The following RALGAPA1 variants were observed in gnomAD, a reference collection of about 807,000 sequenced individuals.
RALGAPA1 encodes the protein ral GTPase-activating protein subunit alpha-1.
In RALGAPA1, 52 loss-of-function variants were observed where a neutral mutation model predicts 269.6. The observed-to-expected ratio is 0.19, with a 90% CI of 0.15 to 0.24. The LOEUF (loss-of-function observed/expected upper bound fraction) is 0.24. Ranked by LOEUF, RALGAPA1 falls within the 10% of genes least tolerant of loss-of-function variation. RALGAPA1 has a pLI of 1.00. For missense variants in RALGAPA1, 1,917 were observed against 3,013.9 expected, an observed-to-expected ratio of 0.64 and a Z score of 8.52; for synonymous variants, 817 against 1,008.3, an observed-to-expected ratio of 0.81 and a Z score of 3.60.
intron 31 of RALGAPA1, among the ~76,000 whole-genome samples, chr14:35,638,112 A>G (rs2061779464): frequency 6.6e-6 from 1 of 152,216 alleles, no homozygotes; most frequent in Non-Finnish European, 1.5e-5. Context: ...ATGAGCAGTA[A>G]GAAATTATCT....
intron 36 of RALGAPA1, among the ~76,000 whole-genome samples, chr14:35,599,552 C>T (rs144193436): frequency 9.3e-4 from 141 of 152,144 alleles, no homozygotes; most frequent in African/African-American, 3.3e-3. Context: ...TGAGACCAGC[C>T]TGGCCAACAT....
chr14:35,606,589 T>C (rs2059611367), intron 35 of RALGAPA1, among the ~76,000 whole-genome samples: 1 of 152,182 alleles, frequency 6.6e-6, no homozygotes, highest in South Asian at 2.1e-4. Flanking sequence ...TCTCTAAAAT[T>C]AAAAATGTTT....
At chr14:35,606,971 T>C (rs1401347715) in intron 35 of RALGAPA1, among the ~76,000 whole-genome samples, 1 of 152,204 alleles carries the variant, frequency 6.6e-6, no homozygotes, top group African/African-American at 2.4e-5. Context: ...GTGCGTCAGA[T>C]GTATCAGTAG....
intron 27 of RALGAPA1, among the ~76,000 whole-genome samples, chr14:35,663,465 A>C (rs2063691047): frequency 1.3e-5 from 2 of 151,930 alleles, no homozygotes; most frequent in Admixed American, 1.3e-4. Flanking sequence ...TTAGCCCCTG[A>C]GGAGCTATGT....
At chr14:35,571,388 T>C (rs1400439332) in intron 38 of RALGAPA1, among the ~76,000 whole-genome samples, 1 of 135,130 alleles carries the variant, frequency 7.4e-6, no homozygotes, top group East Asian at 2.5e-4. Flanking sequence ...TTTTTTTTTT[T>C]TTTAATTCTT....
chr14:35,671,458 A>G lies in RALGAPA1; in HGVS notation c.5133T>C (p.Pro1711=), dbSNP rs1209853468. The G allele has an allele frequency of 1.9e-6, 3 of 1,606,592 alleles. No homozygotes were observed. The highest frequency in any genetic ancestry group is 2.6e-6 in the Non-Finnish European group (3 of 1,173,448). The change falls in exon 26 of 42, where the codon CCT becomes CCC. Residue 1711 remains proline, a synonymous_variant. Transcript: ENST00000680220. ...CSPQFFSLGL[P]GATMLIMDFI... ...AATCCATAATAAGCATTGTGGCACCAGGCAAACCAAGTGAAAAAAATTGAG... is the reference window on the plus strand; with the variant it reads ...AATCCATAATAAGCATTGTGGCACCGGGCAAACCAAGTGAAAAAAATTGAG...
At chr14:35,706,552 C>G (rs1009382525) in intron 16 of RALGAPA1, 1 of 151,296 alleles carries the variant, frequency 6.6e-6, no homozygotes, top group African/African-American at 2.4e-5. Flanking sequence ...GGTTCTGTCC[C>G]TTCTCTGAAT....
At chr14:35,715,991 T>A (rs1490933544) in intron 16 of RALGAPA1, 1 of 985,150 alleles carries the variant, frequency 1.0e-6, no homozygotes, top group African/African-American at 1.7e-5. Flanking sequence ...ATCTAATAGC[T>A]CCAGAATATC....
chr14:35,663,667 G>T (rs1236716194), intron 27 of RALGAPA1, among the ~76,000 whole-genome samples: 1 of 148,532 alleles, frequency 6.7e-6, no homozygotes, highest in Non-Finnish European at 1.5e-5. Flanking sequence ...TCGGCTCACT[G>T]CAAGCTCCAC....
intron 31 of RALGAPA1, among the ~76,000 whole-genome samples, chr14:35,640,729 T>C (rs951744082): frequency 6.6e-6 from 1 of 152,206 alleles, no homozygotes; most frequent in Admixed American, 6.5e-5. Context: ...TCCAAACTCA[T>C]TCTATGAGGC....
At chr14:35,543,857 G>T (rs550886108) in intron 41 of RALGAPA1, among the ~76,000 whole-genome samples, 13 of 152,324 alleles carry the variant, frequency 8.5e-5, no homozygotes, top group Non-Finnish European at 1.5e-4. Context: ...GGCCAGGCTG[G>T]TCTTGAACTC....
chr14:35,570,904 A>G (rs2057135742), intron 38 of RALGAPA1, among the ~76,000 whole-genome samples, 160 bp from the exon 39 acceptor site: 1 of 152,220 alleles, frequency 6.6e-6, no homozygotes, highest in Non-Finnish European at 1.5e-5. Flanking sequence ...GTGATGGGTC[A>G]CTCATACTAG....
rs557107867 is a variant in RALGAPA1 at position 35,630,579 on chromosome 14, C to A, written c.5996-2628G>T. On this transcript the variant is annotated intron_variant, in intron 33 of 41. Coordinates refer to ENST00000680220, the MANE Select transcript of RALGAPA1 (RefSeq NM_001346249.2). ...TTACAAGTGTGAGTGACTGCACCCACCCAACATTTCTTAGTCTAAAAGTTC... is the reference window on the plus strand; with the variant it reads ...TTACAAGTGTGAGTGACTGCACCCAACCAACATTTCTTAGTCTAAAAGTTC... 2.6e-5 allele frequency among the ~76,000 whole-genome samples: 4 copies of A among 152,264 alleles called. No individual in the cohort carries two copies. In the South Asian group the frequency reaches 8.3e-4, roughly 32 times the overall value.
chr14:35,786,399 G>A (rs1256808918), intron 1 of RALGAPA1, among the ~76,000 whole-genome samples: 3 of 152,094 alleles, frequency 2.0e-5, no homozygotes, highest in African/African-American at 7.2e-5. Context: ...CAGTATTTTG[G>A]GAGGCTGAGG....
intron 19 of RALGAPA1, among the ~76,000 whole-genome samples, chr14:35,685,560 T>A (rs1325133058): frequency 6.6e-6 from 1 of 152,066 alleles, no homozygotes; most frequent in African/African-American, 2.4e-5. Flanking sequence ...GCGGGGTATA[T>A]AATGGAGTTA....
chr14:35,674,382 T>C (rs1287040428), intron 23 of RALGAPA1, 104 bp from the exon 24 acceptor site: 9 of 1,245,372 alleles, frequency 7.2e-6, no homozygotes, highest in Non-Finnish European at 8.9e-6. Flanking sequence ...ACTATTTAAT[T>C]ACAATTAAGT....
chr14:35,713,825 G>C (rs747842740), intron 16 of RALGAPA1, among the ~76,000 whole-genome samples: 12 of 152,152 alleles, frequency 7.9e-5, no homozygotes, highest in Non-Finnish European at 8.8e-5. Flanking sequence ...GCCAGGTGCG[G>C]TGGCTCACGC....
chr14:35,630,780 A>G (rs2061310556), intron 33 of RALGAPA1, among the ~76,000 whole-genome samples: 1 of 152,172 alleles, frequency 6.6e-6, no homozygotes, highest in African/African-American at 2.4e-5. Flanking sequence ...CTGAGGCAGG[A>G]GAATCACTTG....
At chr14:35,808,696 C>T (rs749385652) in intron 1 of RALGAPA1, 34 bp downstream of exon 1, 5 of 1,589,940 alleles carry the variant, frequency 3.1e-6, no homozygotes, top group Non-Finnish European at 4.3e-6. Flanking sequence ...GCCGGGCAAC[C>T]CAGGCCTCGG....
Sources: gnomAD v4.1 joint callset for allele counts (sites outside exome capture counted in the v4.1 genomes callset) on GRCh38, gnomAD v4.1.1 for gene constraint, MANE v1.5 for transcripts, NCBI Gene and HGNC (gene_info 2026-07-23, HGNC 2026-07-21) for gene names.